AFG2A: variants seen among roughly 807,000 people sequenced by gnomAD.
AFG2A encodes the protein ATPase family gene 2 protein homolog A.
chr4:123,126,938 T>C, the AFG2A span, among the ~76,000 whole-genome samples: 1 of 152,202 alleles, frequency 6.6e-6, no homozygotes, highest in East Asian at 1.9e-4. Context: ...TAAGACTACA[T>C]GGCCAAGTGC....
the AFG2A span, among the ~76,000 whole-genome samples, chr4:122,951,452 A>ACGCACG: frequency 6.6e-6 from 1 of 151,568 alleles, no homozygotes; most frequent in African/African-American, 2.4e-5. Context: ...ACACACACAC[A>ACGCACG]CACACACGCA....
the AFG2A span, among the ~76,000 whole-genome samples, chr4:122,925,534 G>C: frequency 1.3e-5 from 2 of 152,066 alleles, no homozygotes; most frequent in Non-Finnish European, 2.9e-5. Context: ...CTGAGGATGC[G>C]CCATACCCCC....
the AFG2A span, among the ~76,000 whole-genome samples, chr4:122,940,450 A>G: frequency 6.6e-6 from 1 of 152,190 alleles, no homozygotes. Flanking sequence ...GTGTCTGTTC[A>G]TATCCTTTGC....
the AFG2A span, among the ~76,000 whole-genome samples, chr4:123,045,316 A>G: frequency 4.6e-5 from 2 of 43,274 alleles, no homozygotes; most frequent in Non-Finnish European, 1.8e-4. Context: ...GCGTATTTCT[A>G]CAAAATCAAA....
the AFG2A span, among the ~76,000 whole-genome samples, chr4:122,937,416 T>C: frequency 1.8e-4 from 27 of 152,138 alleles, no homozygotes; most frequent in African/African-American, 6.5e-4. Flanking sequence ...CTTGAACTCC[T>C]GGGCTCAAGC....
chr4:123,036,121 G>A, the AFG2A span, among the ~76,000 whole-genome samples: 10 of 152,250 alleles, frequency 6.6e-5, no homozygotes, highest in South Asian at 2.1e-3. Flanking sequence ...AACACCTTCT[G>A]TGTGTCAGGC....
the AFG2A span, among the ~76,000 whole-genome samples, chr4:123,217,413 C>T: frequency 6.6e-6 from 1 of 152,190 alleles, no homozygotes. Flanking sequence ...AATTATGTGG[C>T]TATTTTAAGA....
chr4:122,927,930 C>T, the AFG2A span, among the ~76,000 whole-genome samples: 2 of 152,112 alleles, frequency 1.3e-5, no homozygotes, highest in Non-Finnish European at 2.9e-5. Context: ...GGCAAATATT[C>T]CAAAATGGAA....
the AFG2A span, among the ~76,000 whole-genome samples, chr4:122,968,862 C>T: frequency 6.8e-4 from 103 of 152,176 alleles, 1 homozygote; most frequent in Middle Eastern, 0.014. Context: ...TTTTAGTTCC[C>T]TGATGACTGA....
At chr4:123,282,477 A>T in the AFG2A span, among the ~76,000 whole-genome samples, 1 of 152,194 alleles carries the variant, frequency 6.6e-6, no homozygotes, top group Non-Finnish European at 1.5e-5. Flanking sequence ...TAATATACTC[A>T]ATACATTAAC....
At chr4:123,140,254 ACT>A in the AFG2A span, among the ~76,000 whole-genome samples, 1 of 151,754 alleles carries the variant, frequency 6.6e-6, no homozygotes, top group South Asian at 2.1e-4. Context: ...TTTGTCAACC[ACT>A]CTTATTTTTT....
chr4:123,056,391 C>T, the AFG2A span: 1 of 1,611,528 alleles, frequency 6.2e-7, no homozygotes, highest in Non-Finnish European at 8.5e-7. Context: ...ATGCAGGGGC[C>T]TGAATTAATG....
the AFG2A span, among the ~76,000 whole-genome samples, chr4:123,052,521 T>G: frequency 6.6e-6 from 1 of 152,182 alleles, no homozygotes; most frequent in Admixed American, 6.5e-5. Context: ...TTGCAGGCTG[T>G]CTGTGCATTG....
At chr4:123,173,358 TTTTTTTTTTTTTTTTG>T in the AFG2A span, among the ~76,000 whole-genome samples, 1 of 121,742 alleles carries the variant, frequency 8.2e-6, no homozygotes, top group Admixed American at 8.2e-5. Flanking sequence ...TTTTTTTTTT[TTTTTTTTTTTTTTTTG>T]AGTCGGATTC....
the AFG2A span, among the ~76,000 whole-genome samples, chr4:123,219,207 G>T: frequency 5.9e-5 from 9 of 152,312 alleles, no homozygotes; most frequent in East Asian, 1.4e-3. Flanking sequence ...CAGTCCAAAG[G>T]CTGGATAACC....
chr4:122,951,872 G>T, the AFG2A span, among the ~76,000 whole-genome samples: 2 of 152,260 alleles, frequency 1.3e-5, no homozygotes, highest in East Asian at 3.9e-4. Context: ...GAGAGCATCT[G>T]TGGAGGCTCA....
the AFG2A span, among the ~76,000 whole-genome samples, chr4:123,163,226 G>A: frequency 6.6e-6 from 1 of 152,148 alleles, no homozygotes; most frequent in African/African-American, 2.4e-5. Flanking sequence ...ACAAGGTCAG[G>A]AGTTCAAGAC....
At chr4:123,074,211 C>T in the AFG2A span, among the ~76,000 whole-genome samples, 172 of 150,884 alleles carry the variant, frequency 1.1e-3, no homozygotes, top group Non-Finnish European at 2.0e-3. Context: ...CACCCTGCCT[C>T]TGCCTCCTGA....
the AFG2A span, chr4:122,934,225 A>C: frequency 6.2e-7 from 1 of 1,614,210 alleles, no homozygotes; most frequent in Non-Finnish European, 8.5e-7. Flanking sequence ...TGACTCTGAC[A>C]CTGATGCCCA....
Sources: gnomAD v4.1 joint callset for allele counts (sites outside exome capture counted in the v4.1 genomes callset) on GRCh38, gnomAD v4.1.1 for gene constraint, MANE v1.5 for transcripts, NCBI Gene and HGNC (gene_info 2026-07-23, HGNC 2026-07-21) for gene names.